PREX2: variants seen among roughly 807,000 people sequenced by gnomAD.
PREX2 encodes the protein phosphatidylinositol 3,4,5-trisphosphate-dependent Rac exchanger 2 protein.
Under a neutral mutation model 203.2 loss-of-function variants are expected in PREX2, and 107 were observed. The observed-to-expected ratio is 0.53, with a 90% CI of 0.45 to 0.62. PREX2 has a LOEUF of 0.62. PREX2 is among the 20% of genes least tolerant of loss of function. PREX2 has a pLI of 0.00. For synonymous variants in PREX2, 672 were observed against 663.6 expected, an observed-to-expected ratio of 1.01 and a Z score of -0.19; for missense variants, 1,777 against 1,955.9, an observed-to-expected ratio of 0.91 and a Z score of 1.72.
At position 67,976,407 on chromosome 8, in the gene PREX2, AG is replaced by A. The variant is rs1563479795; in HGVS notation, c.141+23873del. Among the ~76,000 whole-genome samples, 12 of 151,592 alleles carry A rather than the reference AG, an allele frequency of 7.9e-5. 1 individual carries two copies. Among genetic ancestry groups the A allele is most frequent in the African/African-American group, 2.9e-4 (12 of 41,234 alleles). On this transcript the variant is annotated intron_variant, in intron 1 of 39. Transcript: ENST00000288368. Reference sequence around the variant, plus strand: ...GAGGGAGAGAGACAGAGAGAGAGAGAGAGAGACAGGAGAGAGACAGAGAGAG... The same window carrying A: ...GAGGGAGAGAGACAGAGAGAGAGAGAAGAGACAGGAGAGAGACAGAGAGAG...
intron 30 of PREX2, among the ~76,000 whole-genome samples, chr8:68,122,669 T>A (rs1029810534): frequency 1.3e-5 from 2 of 152,086 alleles, no homozygotes; most frequent in African/African-American, 4.8e-5. Context: ...CCCACTTTTT[T>A]GTTTTGAACA....
intron 1 of PREX2, among the ~76,000 whole-genome samples, chr8:67,974,000 G>A (rs893359438): frequency 6.6e-6 from 1 of 152,098 alleles, no homozygotes. Flanking sequence ...CCTAGCATAT[G>A]TCTATTACAT....
intron 1 of PREX2, among the ~76,000 whole-genome samples, chr8:68,004,420 T>G (rs1027869300): frequency 1.3e-5 from 2 of 152,238 alleles, no homozygotes; most frequent in African/African-American, 4.8e-5. Flanking sequence ...ACTGACCTTC[T>G]GGCAATGGGT....
intron 7 of PREX2, among the ~76,000 whole-genome samples, chr8:68,039,298 GT>G (rs906591672): frequency 2.6e-5 from 4 of 152,088 alleles, no homozygotes; most frequent in African/African-American, 9.7e-5. Flanking sequence ...TCTTACTCCA[GT>G]GGTCACTTTT....
chr8:68,065,832 G>T (rs963034514), intron 11 of PREX2, among the ~76,000 whole-genome samples: 4 of 152,074 alleles, frequency 2.6e-5, no homozygotes, highest in Non-Finnish European at 4.4e-5. Flanking sequence ...TTATTAGACT[G>T]TGTATAAAAC....
At chr8:68,178,346 GT>G (rs919218345) in intron 35 of PREX2, among the ~76,000 whole-genome samples, 1 of 151,952 alleles carries the variant, frequency 6.6e-6, no homozygotes, top group Non-Finnish European at 1.5e-5. Flanking sequence ...TCTCATTGTG[GT>G]TTTGATTTGC....
At chr8:68,000,580 A>G (rs1806910418) in intron 1 of PREX2, among the ~76,000 whole-genome samples, 1 of 152,240 alleles carries the variant, frequency 6.6e-6, no homozygotes, top group Admixed American at 6.5e-5. Flanking sequence ...TATTGTTCAC[A>G]GAACTAGAAA....
chr8:68,015,813 T>G (rs1807395058), intron 1 of PREX2, among the ~76,000 whole-genome samples: 1 of 152,188 alleles, frequency 6.6e-6, no homozygotes, highest in Non-Finnish European at 1.5e-5. Context: ...ATAAATTGAG[T>G]ACTTAAAAAG....
In PREX2 at chr8:68,232,512, C is replaced by T. The variant is rs553396465; in HGVS notation, c.*1134C>T. ...AAATACAGTAATATTTATTTTAAAT[C>T]CATAATTTTCAAACAAAACACTCAT... is the stretch of plus-strand genomic sequence containing the variant. On this transcript the variant is annotated 3_prime_UTR_variant, in exon 40 of 40. Coordinates refer to ENST00000288368, the MANE Select transcript of PREX2 (RefSeq NM_024870.4). The T allele has an allele frequency of 7.9e-5, 12 of 152,158 alleles. No homozygotes were observed. The highest frequency in any genetic ancestry group is 5.9e-5 in the Non-Finnish European group (4 of 67,998). The allele number at this position is 152,158 out of a possible 1,614,324, so 9.4% of individuals were successfully genotyped here.
At chr8:68,179,428 T>A (rs778507092) in intron 35 of PREX2, among the ~76,000 whole-genome samples, 1 of 152,236 alleles carries the variant, frequency 6.6e-6, no homozygotes, top group Admixed American at 6.5e-5. Flanking sequence ...GAAATTGAGC[T>A]GAGAGCAGAT....
intron 9 of PREX2, among the ~76,000 whole-genome samples, chr8:68,054,594 A>G (rs1030118199): frequency 1.5e-4 from 23 of 152,212 alleles, no homozygotes; most frequent in African/African-American, 5.3e-4. Context: ...ACAGTTCGTC[A>G]TCAGTCCTGA....
chr8:67,952,336 G>A lies in PREX2; in HGVS notation c.-59G>A, dbSNP rs1805363783. On this transcript the variant is annotated 5_prime_UTR_variant, in exon 1 of 40. Coordinates refer to ENST00000288368, the MANE Select transcript of PREX2 (RefSeq NM_024870.4). ...CGCCGCCGGGGGCCGGGCAGCAGCG[G>A]GCGCGCGGGTCAGCGCTCAGCACGG... is the stretch of plus-strand genomic sequence containing the variant. 7.5e-7 allele frequency: 1 copy of A among 1,332,444 alleles called. No individual in the cohort carries two copies. Among genetic ancestry groups the A allele is most frequent in the Admixed American group, 4.2e-5 (1 of 23,998 alleles). The allele number at this position is 1,332,444 out of a possible 1,614,324, so 82.5% of individuals were successfully genotyped here.
intron 35 of PREX2, among the ~76,000 whole-genome samples, chr8:68,183,164 T>C (rs1410280963): frequency 6.6e-6 from 1 of 152,114 alleles, no homozygotes; most frequent in Non-Finnish European, 1.5e-5. Flanking sequence ...ATGAAATGAT[T>C]GTATTTATGC....
At chr8:68,006,705 T>C (rs1807109258) in intron 1 of PREX2, among the ~76,000 whole-genome samples, 1 of 152,214 alleles carries the variant, frequency 6.6e-6, no homozygotes, top group Non-Finnish European at 1.5e-5. Context: ...CTGCAAATAA[T>C]TGCCCTAAAC....
In PREX2 at chr8:68,181,496, C is replaced by T. The variant is rs958869724; in HGVS notation, c.4347-10226C>T. On this transcript the variant is annotated intron_variant, in intron 35 of 39. Transcript: ENST00000288368. ...ACTGCTTCAGTTGATTTGAATTAAG[C>T]ACTTTGGAAGTTTAAAATAGGGTAG... Among the ~76,000 whole-genome samples the T allele has an allele frequency of 3.3e-5, 5 of 152,212 alleles. No individual in the cohort carries two copies. The East Asian group carries it at 9.6e-4, about 29-fold the overall frequency.
chr8:68,052,964 A>G (rs564305638), intron 8 of PREX2, 133 bp from the exon 9 acceptor site: 7 of 713,482 alleles, frequency 9.8e-6, no homozygotes, highest in South Asian at 8.5e-5. Flanking sequence ...ATGTTTTTCA[A>G]TATACATATG....
rs975348538 is a variant in PREX2 at position 67,980,290 on chromosome 8, C to T, written c.141+27755C>T. Among the ~76,000 whole-genome samples the T allele has an allele frequency of 4.6e-5, 7 of 152,216 alleles. No individual in the cohort carries two copies. The South Asian group carries it at 1.2e-3, about 27-fold the overall frequency. ...AGAAACTAAGAGCCTAGCCTTCCCC[C>T]AGGGTCTCCACTCTACTTTTTAACT... On this transcript the variant is annotated intron_variant, in intron 1 of 39. Coordinates refer to ENST00000288368, the MANE Select transcript of PREX2 (RefSeq NM_024870.4).
chr8:68,222,995 A>G (rs1812985475), intron 38 of PREX2, among the ~76,000 whole-genome samples: 1 of 152,248 alleles, frequency 6.6e-6, no homozygotes, highest in African/African-American at 2.4e-5. Flanking sequence ...GAAGGACCTC[A>G]GGAACTGTCA....
At chr8:68,000,919 C>T (rs1425812811) in intron 1 of PREX2, among the ~76,000 whole-genome samples, 2 of 152,130 alleles carry the variant, frequency 1.3e-5, no homozygotes, top group Non-Finnish European at 2.9e-5. Context: ...GAAACTAGAT[C>T]CCTTCCTTAC....
Sources: gnomAD v4.1 joint callset for allele counts (sites outside exome capture counted in the v4.1 genomes callset) on GRCh38, gnomAD v4.1.1 for gene constraint, MANE v1.5 for transcripts, NCBI Gene and HGNC (gene_info 2026-07-23, HGNC 2026-07-21) for gene names.